Variants in LINGO2 observed in about 807,000 individuals in gnomAD.
The protein encoded by LINGO2 is leucine-rich repeat and immunoglobulin-like domain-containing nogo receptor-interacting protein 2.
In LINGO2, 14 loss-of-function variants were observed where a neutral mutation model predicts 30.6. That is an observed-to-expected ratio of 0.46 (90% CI 0.30 to 0.72). The LOEUF (loss-of-function observed/expected upper bound fraction) is 0.72. Among genes scored for constraint, LINGO2 ranks in the 30% least tolerant of loss-of-function variants. The pLI, the probability that LINGO2 is intolerant of heterozygous loss-of-function variation, is 0.07. For synonymous variants in LINGO2, 317 were observed against 288.5 expected (o/e 1.10, Z -1.00); for missense variants, 729 against 751.7 (o/e 0.97, Z 0.35).
the LINGO2 span, among the ~76,000 whole-genome samples, chr9:28,747,073 C>T: frequency 6.6e-6 from 1 of 151,930 alleles, no homozygotes; most frequent in Non-Finnish European, 1.5e-5. Flanking sequence ...AACAGGCATT[C>T]CTGTTTCTGT....
intron 4 of LINGO2, among the ~76,000 whole-genome samples, chr9:28,182,799 A>G (rs1819401354): frequency 6.6e-6 from 1 of 152,234 alleles, no homozygotes; most frequent in Non-Finnish European, 1.5e-5. Flanking sequence ...TTAAAAAGTC[A>G]GGAAACAACA....
chr9:28,929,204 C>T, the LINGO2 span, among the ~76,000 whole-genome samples: 3 of 152,128 alleles, frequency 2.0e-5, no homozygotes, highest in Non-Finnish European at 4.4e-5. Context: ...CACCTTATTC[C>T]CTAAGGGGAG....
Position 28,072,054 on chromosome 9 carries a change from A to G in LINGO2, c.-86-59649T>C, listed in dbSNP as rs1429244426. On this transcript the variant is annotated intron_variant, in intron 4 of 5. Transcript: ENST00000379992. ...AATCCCATCTTCATCCTCCTTCTAC[A>G]TATCAGTATTTACTTGCACTTTTTT... Among the ~76,000 whole-genome samples the G allele has an allele frequency of 2.0e-5, 3 of 152,284 alleles. No individual in the cohort carries two copies. The East Asian group carries it at 5.8e-4, about 29-fold the overall frequency.
intron 5 of LINGO2, among the ~76,000 whole-genome samples, chr9:28,010,890 C>T (rs917395077): frequency 7.2e-5 from 11 of 152,098 alleles, no homozygotes; most frequent in Non-Finnish European, 1.2e-4. Flanking sequence ...CCCAAGAGTT[C>T]GAGGCTGCAG....
chr9:28,857,814 A>C, the LINGO2 span, among the ~76,000 whole-genome samples: 1 of 152,110 alleles, frequency 6.6e-6, no homozygotes. Context: ...AACATTTTTT[A>C]CACTGATTGT....
At chr9:28,341,057 T>G (rs1825749853) in intron 3 of LINGO2, among the ~76,000 whole-genome samples, 1 of 152,224 alleles carries the variant, frequency 6.6e-6, no homozygotes, top group South Asian at 2.1e-4. Flanking sequence ...AAGGACTAGT[T>G]TTTCTTTACA....
At chr9:28,199,409 G>A (rs1326856638) in intron 4 of LINGO2, among the ~76,000 whole-genome samples, 1 of 148,650 alleles carries the variant, frequency 6.7e-6, no homozygotes, top group African/African-American at 2.5e-5. Flanking sequence ...CGCGATCTTG[G>A]CTCACTGCAA....
intron 4 of LINGO2, among the ~76,000 whole-genome samples, chr9:28,020,083 A>G (rs1310868788): frequency 6.6e-6 from 1 of 152,182 alleles, no homozygotes; most frequent in Non-Finnish European, 1.5e-5. Context: ...GAAACACTAC[A>G]CTAGATGATG....
intron 2 of LINGO2, among the ~76,000 whole-genome samples, chr9:28,422,610 T>A (rs1823245020): frequency 6.6e-6 from 1 of 152,058 alleles, no homozygotes; most frequent in African/African-American, 2.4e-5. Flanking sequence ...GCAAAATATA[T>A]TATGGGTCCA....
the LINGO2 span, among the ~76,000 whole-genome samples, chr9:28,916,964 T>C: frequency 6.6e-6 from 1 of 152,310 alleles, no homozygotes; most frequent in South Asian, 2.1e-4. Context: ...TCAATATATG[T>C]AAGGATTTTG....
chr9:29,016,068 T>C, the LINGO2 span, among the ~76,000 whole-genome samples: 1 of 152,192 alleles, frequency 6.6e-6, no homozygotes, highest in Non-Finnish European at 1.5e-5. Context: ...TTTCAGTAAG[T>C]CTTGTCAAAA....
chr9:28,139,087 CTT>C (rs1827602321), intron 4 of LINGO2, among the ~76,000 whole-genome samples: 3 of 152,272 alleles, frequency 2.0e-5, no homozygotes, highest in South Asian at 2.1e-4. Flanking sequence ...TATCAAAAAA[CTT>C]AGAGCAGTGC....
chr9:29,090,578 T>A, the LINGO2 span, among the ~76,000 whole-genome samples: 1 of 152,058 alleles, frequency 6.6e-6, no homozygotes, highest in Admixed American at 6.6e-5. Context: ...TAGCAACATA[T>A]GTTCTCATAA....
intron 2 of LINGO2, among the ~76,000 whole-genome samples, chr9:28,418,185 G>A (rs893234685): frequency 1.3e-5 from 2 of 151,542 alleles, no homozygotes; most frequent in African/African-American, 2.4e-5. Context: ...CAGTAAGAAA[G>A]CACTGAATAT....
At chr9:28,083,891 A>C (rs1207182838) in intron 4 of LINGO2, among the ~76,000 whole-genome samples, 1 of 152,156 alleles carries the variant, frequency 6.6e-6, no homozygotes, top group Non-Finnish European at 1.5e-5. Context: ...AGTTAAGAGG[A>C]TGTATGTGTT....
chr9:28,721,825 A>T, the LINGO2 span, among the ~76,000 whole-genome samples: 1 of 152,112 alleles, frequency 6.6e-6, no homozygotes, highest in South Asian at 2.1e-4. Flanking sequence ...GTAAAATAAA[A>T]AAAAAAAATT....
chr9:28,974,958 C>T, the LINGO2 span, among the ~76,000 whole-genome samples: 108 of 152,182 alleles, frequency 7.1e-4, no homozygotes, highest in African/African-American at 2.4e-3. Flanking sequence ...GCTTGCTTTG[C>T]TGTAAATGAC....
the LINGO2 span, among the ~76,000 whole-genome samples, chr9:28,998,512 A>G: frequency 2.6e-4 from 40 of 152,252 alleles, no homozygotes; most frequent in Admixed American, 7.8e-4. Flanking sequence ...AAATAAAAAT[A>G]TCCTTCTTAA....
the LINGO2 span, among the ~76,000 whole-genome samples, chr9:28,766,588 G>C: frequency 6.6e-6 from 1 of 151,950 alleles, no homozygotes; most frequent in Non-Finnish European, 1.5e-5. Context: ...GTACCCCAAA[G>C]GAGTGAAATC....
Sources: allele counts gnomAD v4.1 joint callset (sites outside exome capture counted in the v4.1 genomes callset), GRCh38; gene constraint gnomAD v4.1.1; transcripts MANE v1.5; gene names NCBI Gene and HGNC (gene_info 2026-07-23, HGNC 2026-07-21).